Variants in SIN3B observed in about 807,000 individuals in gnomAD.
SIN3B encodes SIN3 transcription regulator family member B.
In SIN3B, 19 loss-of-function variants were observed where a neutral mutation model predicts 120.2. The observed-to-expected ratio is 0.16, with a 90% confidence interval of 0.11 to 0.23. SIN3B has a LOEUF of 0.23. Ranked by LOEUF, SIN3B falls within the 10% of genes least tolerant of loss-of-function variation. SIN3B has a pLI of 1.00. For synonymous variants in SIN3B, 654 were observed against 653.2 expected (o/e 1.00, Z -0.02); for missense variants, 1,073 against 1,573.0 (o/e 0.68, Z 5.38).
Position 16,866,364 on chromosome 19 carries a change from C to A in SIN3B, c.1623-9C>A. On this transcript the variant is annotated splice_polypyrimidine_tract_variant and intron_variant, in intron 11 of 18. Coordinates refer to ENST00000248054, the MANE Select transcript of SIN3B (RefSeq NM_001297595.2). ...TTGTCCCTGGTGCTGACCTCTCTTC[C>A]CCCCGCAGACTGAAGGCCAAGGAAG... 1 of 1,608,524 alleles carries A rather than the reference C, an allele frequency of 6.2e-7. No homozygotes were observed. Among genetic ancestry groups the A allele is most frequent in the South Asian group, 1.1e-5 (1 of 90,826 alleles).
chr19:16,865,299 TAC>T (rs970798377), intron 10 of SIN3B, 109 bp from the exon 11 acceptor site: 127 of 542,366 alleles, frequency 2.3e-4, no homozygotes, highest in African/African-American at 3.3e-4. Flanking sequence ...ATCTCTTAAA[TAC>T]ACACACCCCC....
At chr19:16,847,138 G>C in intron 5 of SIN3B, 25 bp downstream of exon 5, 1 of 1,596,362 alleles carries the variant, frequency 6.3e-7, no homozygotes, top group Non-Finnish European at 8.6e-7. Flanking sequence ...CCCCTGCCCA[G>C]CCTCGGGGGC....
intron 4 of SIN3B, among the ~76,000 whole-genome samples, chr19:16,846,751 C>T (rs1168257543): frequency 1.3e-5 from 2 of 152,212 alleles, no homozygotes; most frequent in African/African-American, 4.8e-5. Flanking sequence ...GTGGACACTG[C>T]TGGGTCCCCA....
rs769504888 is a variant in SIN3B, at chr19:16,876,502, G to A, written c.2783G>A (p.Arg928His). 22 of 1,613,146 alleles carry A rather than the reference G, an allele frequency of 1.4e-5. No homozygotes were observed. The highest frequency in any genetic ancestry group is 8.3e-5 in the Admixed American group (5 of 59,998). ...GCTCCGCAGGTGATGTTCCTGCAGC[G>A]CAAAGGGCAGGTGATCATGACCATC... ...ENCFKVMFLQ[R>H]KGQVIMTIEL... is the part of the protein sequence containing the mutation. Residue 928 changes from arginine (R) to histidine (H), a missense_variant, in exon 16 of 19, where the codon CGC (arginine) becomes CAC (histidine). Arg to His is a conservative substitution (Grantham distance 29). Coordinates refer to ENST00000248054, the MANE Select transcript of SIN3B (RefSeq NM_001297595.2). This position sits in a 1 kb window ranked among gnomAD's most constrained non-coding sequence, Gnocchi z 7.1.
At position 16,876,665 on chromosome 19, in the gene SIN3B, C is replaced by T. The variant is rs558375776; in HGVS notation, c.2859+87C>T. The T allele has an allele frequency of 1.8e-5, 19 of 1,051,076 alleles. No individual in the cohort carries two copies. Among genetic ancestry groups the T allele is most frequent in the South Asian group, 2.9e-5 (2 of 69,604 alleles). 65.1% of individuals were successfully genotyped at this position (1,051,076 alleles called of 1,614,324 possible). ...GGGCTCCCACCAGCCAAGCGCAGGC[C>T]GCGCAGCATCCAGAGACCCTCCCTC... On this transcript the variant is annotated intron_variant, in intron 16 of 18. Coordinates refer to ENST00000248054, the MANE Select transcript of SIN3B (RefSeq NM_001297595.2). The surrounding 1 kb of genome is among the most constrained non-coding windows in gnomAD (Gnocchi z 7.1).
intron 3 of SIN3B, among the ~76,000 whole-genome samples, chr19:16,836,700 C>G (rs1179374042): frequency 6.6e-6 from 1 of 152,156 alleles, no homozygotes; most frequent in African/African-American, 2.4e-5. Context: ...GGAACATGGC[C>G]GCTCTCAGCT....
At position 16,878,283 on chromosome 19, in the gene SIN3B, G is replaced by T. The variant is rs1487761010; in HGVS notation, c.3055G>T (p.Ala1019Ser). ...GAAGCGGCTGGTGGGCGTGGAGAGC[G>T]CCTGCGACGTGGACTGCCGCTTCAA... ...SWKRLVGVES[A>S]CDVDCRFKLS... The change falls in exon 18 of 19, where the codon GCC becomes TCC. Residue 1019 changes from alanine to serine, a missense_variant. Transcript: ENST00000248054. The T allele has an allele frequency of 1.2e-5, 20 of 1,603,390 alleles. No homozygotes were observed. The highest frequency in any genetic ancestry group is 1.7e-5 in the Non-Finnish European group (20 of 1,175,756).
rs756459568 is a variant in SIN3B, at chr19:16,869,745, C to T, written c.2092C>T (p.Arg698Trp). The T allele has an allele frequency of 3.1e-6, 5 of 1,613,142 alleles. No homozygotes were observed. Among genetic ancestry groups the T allele is most frequent in the South Asian group, 1.1e-5 (1 of 91,084 alleles). ...PQGQTTDPSE[R>W]KKPAPGPHSS... ...GGGGCAGACCACAGACCCCAGTGAG[C>T]GGAAGAAGCCGGCGCCAGGACCCCA... Residue 698 changes from arginine to tryptophan, a missense_variant, in exon 13 of 19, where the codon CGG becomes TGG. By Grantham distance (101) the Arg-to-Trp change is moderately radical. Transcript: ENST00000248054.
chr19:16,871,652 A>G lies in SIN3B; in HGVS notation c.2592+254A>G, dbSNP rs193293765. 1,795 of 425,052 alleles carry G rather than the reference A, an allele frequency of 4.2e-3. 7 individuals are homozygous for G. Among genetic ancestry groups the G allele is most frequent in the Middle Eastern group, 5.7e-3 (9 of 1,576 alleles). The allele number at this position is 425,052 out of a possible 1,614,324, so 26.3% of individuals were successfully genotyped here. A position where few individuals can be genotyped will look rare whatever the true frequency, so the allele number is the denominator to read the frequency against. On this transcript the variant is annotated intron_variant, in intron 14 of 18. Transcript: ENST00000248054. ...GAACATTTCATCTTTCCAAAAGGAG[A>G]CCCCATCCCCATCAGCAGCCACTGC...
intron 10 of SIN3B, 150 bp downstream of exon 10, chr19:16,863,946 G>T (rs915816164): frequency 8.2e-6 from 5 of 610,398 alleles, no homozygotes; most frequent in Non-Finnish European, 1.2e-5. Flanking sequence ...GCTTCCTGCC[G>T]GGTCTTGCTG....
chr19:16,865,346 G>C, intron 10 of SIN3B, 64 bp from the exon 11 acceptor site: 4 of 1,000,982 alleles, frequency 4.0e-6, no homozygotes, highest in South Asian at 1.5e-5. Flanking sequence ...TGAGGTCCCA[G>C]GCTCCTCTCT....
chr19:16,864,312 G>A (rs986153238), intron 10 of SIN3B, among the ~76,000 whole-genome samples: 2 of 151,928 alleles, frequency 1.3e-5, no homozygotes, highest in Admixed American at 1.3e-4. Context: ...TTTCTTTAAT[G>A]TAAAAATTAA....
At chr19:16,863,659 C>T (rs750828265) in intron 9 of SIN3B, 21 bp from the exon 10 acceptor site, 14 of 1,510,422 alleles carry the variant, frequency 9.3e-6, no homozygotes, top group South Asian at 2.2e-5. Context: ...GCGTCATTCA[C>T]GGCATTTCCT....
rs115422247 is a variant in SIN3B at position 16,867,955 on chromosome 19, G to A, written c.1806+1399G>A. 4.3e-3 allele frequency among the ~76,000 whole-genome samples: 656 copies of A among 152,318 alleles called. 4 individuals are homozygous for A. Among genetic ancestry groups the A allele is most frequent in the African/African-American group, 0.015 (630 of 41,570 alleles). On this transcript the variant is annotated intron_variant, in intron 12 of 18. Transcript: ENST00000248054. The stretch of plus-strand genomic sequence containing the variant: ...AGTAGCCCTGGAAATCCACCAATGC[G>A]ACCCTGAGTTCCTGGATCCCTCCCT...
intron 12 of SIN3B, 110 bp from the exon 13 acceptor site, chr19:16,869,350 C>T: frequency 1.4e-6 from 2 of 1,384,440 alleles, no homozygotes; most frequent in Non-Finnish European, 1.9e-6. Context: ...CTGCTCTGGG[C>T]AGCGCTCATC....
At chr19:16,841,368 G>A (rs1971414434) in intron 3 of SIN3B, among the ~76,000 whole-genome samples, 1 of 152,148 alleles carries the variant, frequency 6.6e-6, no homozygotes, top group South Asian at 2.1e-4. Flanking sequence ...GGCAGCAGTT[G>A]CCTTTCCACG....
chr19:16,851,219 G>T (rs1040850861), intron 5 of SIN3B, among the ~76,000 whole-genome samples, 193 bp from the exon 6 acceptor site: 6 of 149,804 alleles, frequency 4.0e-5, no homozygotes, highest in African/African-American at 1.3e-4. Context: ...GTGTTAGTCT[G>T]TGATGATTCG....
rs565050507 is a variant in SIN3B at position 16,865,555 on chromosome 19, G to A, written c.1529G>A (p.Arg510His). The A allele has an allele frequency of 3.0e-5, 48 of 1,613,728 alleles. No individual in the cohort carries two copies. Among genetic ancestry groups the A allele is most frequent in the Non-Finnish European group, 3.5e-5 (41 of 1,179,830 alleles). ...LGGTSEVIQRRAIYRIYGDKA... is the reference protein window; with the variant it reads ...LGGTSEVIQRHAIYRIYGDKA... The stretch of plus-strand genomic sequence containing the variant: ...GGCACGTCGGAGGTGATCCAGCGCC[G>A]TGCCATTTATCGCATCTATGGCGAC... Residue 510 changes from arginine (R) to histidine (H), a missense_variant, in exon 11 of 19, where the codon CGT becomes CAT. Coordinates refer to ENST00000248054, the MANE Select transcript of SIN3B (RefSeq NM_001297595.2).
intron 8 of SIN3B, among the ~76,000 whole-genome samples, chr19:16,858,830 G>T (rs1241571014): frequency 1.3e-5 from 2 of 152,108 alleles, no homozygotes; most frequent in Non-Finnish European, 2.9e-5. Flanking sequence ...TGTGCCTGTA[G>T]TCCCAGCTAC....
Sources: allele counts gnomAD v4.1 joint callset (sites outside exome capture counted in the v4.1 genomes callset), GRCh38; gene constraint gnomAD v4.1.1; non-coding constraint Gnocchi (gnomAD v3.1); transcripts MANE v1.5; gene names NCBI Gene and HGNC (gene_info 2026-07-23, HGNC 2026-07-21).